Variants in LUZP2 observed in about 807,000 individuals in gnomAD.
The protein encoded by LUZP2 is leucine zipper protein 2.
LUZP2 carries 52 observed loss-of-function variants against 51.6 expected under a neutral mutation model. That is an observed-to-expected ratio of 1.01 (90% CI 0.81 to 1.27). LUZP2 has a LOEUF of 1.27. LUZP2 is among the 50% of genes most tolerant of loss of function. The probability of loss-of-function intolerance (pLI) is 0.00; values close to 1 mark genes in which losing one functional copy is unlikely to be tolerated. For synonymous variants in LUZP2, 154 were observed against 137.3 expected (o/e 1.12, Z -0.85); for missense variants, 436 against 395.4 (o/e 1.10, Z -0.87).
chr11:24,832,922 T>C (rs982682240), intron 5 of LUZP2, among the ~76,000 whole-genome samples: 1 of 152,162 alleles, frequency 6.6e-6, no homozygotes, highest in Non-Finnish European at 1.5e-5. Context: ...ATTTATTACA[T>C]AACTTAGAGG....
intron 10 of LUZP2, among the ~76,000 whole-genome samples, chr11:25,051,269 A>G (rs998654049): frequency 5.5e-4 from 83 of 152,090 alleles, no homozygotes; most frequent in African/African-American, 2.0e-3. Flanking sequence ...GTGAGCCGAG[A>G]TGGCGCCGCT....
intron 5 of LUZP2, among the ~76,000 whole-genome samples, chr11:24,809,225 CAAAT>C (rs2134132441): frequency 6.6e-6 from 1 of 152,124 alleles, no homozygotes; most frequent in South Asian, 2.1e-4. Flanking sequence ...TATAAATTAA[CAAAT>C]GAATAAATAA....
At chr11:25,016,980 G>A (rs542449927) in intron 9 of LUZP2, among the ~76,000 whole-genome samples, 13 of 152,060 alleles carry the variant, frequency 8.5e-5, no homozygotes, top group African/African-American at 2.9e-4. Flanking sequence ...CTGTGGTAAG[G>A]TGGTATCTCA....
intron 7 of LUZP2, among the ~76,000 whole-genome samples, chr11:24,926,497 ATATATGTGTGTGTATATACGTG>A (rs1437591004): frequency 4.2e-5 from 4 of 94,728 alleles, no homozygotes; most frequent in Non-Finnish European, 6.4e-5. Context: ...ATATATGTGT[ATATATGTGTGTGTATATACGTG>A]TATATATGTG....
chr11:24,769,049 C>T (rs565988314), intron 5 of LUZP2, among the ~76,000 whole-genome samples: 1 of 152,230 alleles, frequency 6.6e-6, no homozygotes, highest in Admixed American at 6.5e-5. Context: ...AAATACTATT[C>T]AGCTATTAAA....
Position 25,069,745 on chromosome 11 carries a change from T to C in LUZP2, c.859-7584T>C, listed in dbSNP as rs113467094. Among the ~76,000 whole-genome samples, 380 of 152,002 alleles carry C rather than the reference T, an allele frequency of 2.5e-3. 2 individuals carry two copies. Among genetic ancestry groups the C allele is most frequent in the African/African-American group, 8.8e-3 (366 of 41,516 alleles). On this transcript the variant is annotated intron_variant, in intron 10 of 11. Transcript: ENST00000336930. ...CTTATATCATATAGCTGGCAAACAATTATACTTGGAATGAAATAAAACGTT... is the reference window on the plus strand; with the variant it reads ...CTTATATCATATAGCTGGCAAACAACTATACTTGGAATGAAATAAAACGTT...
intron 7 of LUZP2, among the ~76,000 whole-genome samples, chr11:24,970,565 C>A (rs1165503102): frequency 6.6e-6 from 1 of 152,088 alleles, no homozygotes; most frequent in Non-Finnish European, 1.5e-5. Context: ...ACTGATGAGT[C>A]AGAACTTCGC....
chr11:24,986,596 T>G (rs183009755), intron 9 of LUZP2, among the ~76,000 whole-genome samples: 6 of 151,114 alleles, frequency 4.0e-5, no homozygotes, highest in Non-Finnish European at 7.4e-5. Context: ...TACTTGGCAT[T>G]ATAGATAATA....
chr11:25,065,373 T>G (rs544952935), intron 10 of LUZP2, among the ~76,000 whole-genome samples: 1 of 152,186 alleles, frequency 6.6e-6, no homozygotes, highest in East Asian at 1.9e-4. Context: ...CTACAATATA[T>G]AATACAGAAC....
intron 1 of LUZP2, among the ~76,000 whole-genome samples, chr11:24,635,269 T>C (rs1180335093): frequency 1.3e-5 from 2 of 152,108 alleles, no homozygotes. Context: ...TATGACACTA[T>C]TTATAATTTG....
intron 1 of LUZP2, among the ~76,000 whole-genome samples, chr11:24,645,694 A>G (rs1254184468): frequency 3.3e-5 from 5 of 152,126 alleles, no homozygotes; most frequent in African/African-American, 9.7e-5. Flanking sequence ...AAAATTAAAT[A>G]TATATCTTAC....
chr11:24,609,360 A>C (rs954124310), intron 1 of LUZP2, among the ~76,000 whole-genome samples: 25 of 152,146 alleles, frequency 1.6e-4, no homozygotes, highest in African/African-American at 3.9e-4. Context: ...GTTGTAGAAG[A>C]AGCAGCTGCT....
intron 5 of LUZP2, among the ~76,000 whole-genome samples, chr11:24,798,495 T>C (rs866334887): frequency 1.3e-5 from 2 of 152,178 alleles, no homozygotes; most frequent in Admixed American, 6.5e-5. Flanking sequence ...CTGCAATCTT[T>C]TTATGTTAGT....
At position 24,901,632 on chromosome 11, in the gene LUZP2, C is replaced by A. The variant is rs116985535; in HGVS notation, c.397-4359C>A. Among the ~76,000 whole-genome samples the A allele has an allele frequency of 5.4e-3, 817 of 152,230 alleles. 5 individuals are homozygous for A. The highest frequency in any genetic ancestry group is 0.015 in the African/African-American group (626 of 41,544). On this transcript the variant is annotated intron_variant, in intron 5 of 11. Transcript: ENST00000336930. ...TCCTCAGGTCTTGTCTTAGACTTGC[C>A]TAGTCCAGTTGTAGCTAAGTCAGTT...
chr11:24,854,741 A>T (rs1295670431), intron 5 of LUZP2, among the ~76,000 whole-genome samples: 1 of 151,612 alleles, frequency 6.6e-6, no homozygotes, highest in Non-Finnish European at 1.5e-5. Flanking sequence ...TGTGCTTGAA[A>T]CCCAGTGCCC....
chr11:24,578,661 T>A (rs1227404442), intron 1 of LUZP2, among the ~76,000 whole-genome samples: 1 of 151,960 alleles, frequency 6.6e-6, no homozygotes, highest in Non-Finnish European at 1.5e-5. Flanking sequence ...GGCCTTATCC[T>A]AAAAAAATTA....
chr11:25,043,059 G>A (rs76232884), intron 9 of LUZP2, among the ~76,000 whole-genome samples: 1,682 of 152,230 alleles, frequency 0.011, 38 homozygotes, highest in African/African-American at 0.038. Flanking sequence ...ATAGTTCTAA[G>A]ATGGCCATCT....
chr11:24,702,252 A>T (rs1857441207), intron 1 of LUZP2, among the ~76,000 whole-genome samples: 1 of 152,240 alleles, frequency 6.6e-6, no homozygotes, highest in Admixed American at 6.5e-5. Flanking sequence ...ATAACTTTAA[A>T]AAATAATTAC....
intron 7 of LUZP2, among the ~76,000 whole-genome samples, chr11:24,932,157 T>A (rs181700311): frequency 2.6e-5 from 4 of 152,306 alleles, no homozygotes; most frequent in African/African-American, 7.2e-5. Flanking sequence ...CCAATGGAGG[T>A]AGCAGTGAAG....
Sources: allele counts gnomAD v4.1 joint callset (sites outside exome capture counted in the v4.1 genomes callset), GRCh38; gene constraint gnomAD v4.1.1; transcripts MANE v1.5; gene names NCBI Gene and HGNC (gene_info 2026-07-23, HGNC 2026-07-21).